The following ADAM10 variants were observed in gnomAD, a reference collection of about 807,000 sequenced individuals.
ADAM10 encodes the protein ADAM metallopeptidase domain 10.
A neutral mutation model predicts 90.1 loss-of-function variants in ADAM10; 17 were observed. The observed-to-expected ratio is 0.19, with a 90% CI of 0.13 to 0.28. The LOEUF (loss-of-function observed/expected upper bound fraction) is 0.28, where lower values mean the gene tolerates loss of function less well. Among genes scored for constraint, ADAM10 ranks in the 10% least tolerant of loss-of-function variants. The pLI is 1.00. For missense variants in ADAM10, 610 were observed against 914.3 expected (o/e 0.67, Z 4.29); for synonymous variants, 310 against 298.6 (o/e 1.04, Z -0.40).
chr15:58,605,211 T>C (rs1895235859), intron 14 of ADAM10, among the ~76,000 whole-genome samples: 1 of 152,210 alleles, frequency 6.6e-6, no homozygotes, highest in African/African-American at 2.4e-5. Context: ...ACTCAAGCCC[T>C]TCAGAACTTC....
chr15:58,699,326 G>A (rs1475560420), intron 2 of ADAM10, among the ~76,000 whole-genome samples: 1 of 152,122 alleles, frequency 6.6e-6, no homozygotes. Flanking sequence ...AAAAGATGAT[G>A]ATCACCATCA....
intron 13 of ADAM10, 135 bp from the exon 14 acceptor site, chr15:58,610,652 T>C (rs1203657941): frequency 1.1e-4 from 99 of 864,750 alleles, no homozygotes; most frequent in Non-Finnish European, 8.6e-5. Context: ...AGACCTTCTC[T>C]AGTTAGGCTG....
At chr15:58,709,866 G>A (rs1160618680) in intron 2 of ADAM10, among the ~76,000 whole-genome samples, 3 of 152,106 alleles carry the variant, frequency 2.0e-5, no homozygotes, top group Non-Finnish European at 1.5e-5. Context: ...ATACTTTCAC[G>A]CTCTTACTTC....
chr15:58,682,126 C>A lies in ADAM10; in HGVS notation c.325+70G>T, dbSNP rs1477507593. The A allele has an allele frequency of 1.9e-6, 3 of 1,590,398 alleles. No individual in the cohort carries two copies. The African/African-American group carries it at 4.1e-5, about 22-fold the overall frequency. On this transcript the variant is annotated intron_variant, in intron 3 of 15. Coordinates refer to ENST00000260408, the MANE Select transcript of ADAM10 (RefSeq NM_001110.4). Reference sequence around the variant, plus strand: ...ACCTTTTCTGAAATATTTGCTTACACTTCAAAATGAGTATCTTTGTGTAGA... The same window carrying A: ...ACCTTTTCTGAAATATTTGCTTACAATTCAAAATGAGTATCTTTGTGTAGA...
In ADAM10 at chr15:58,589,620, G is replaced by A. The variant is rs1295287668; in HGVS notation, c.*7927C>T. Reference sequence around the variant, plus strand: ...GAAAAATTGCAGCAGGTTGATAAGTGAATGGGAGCTGAAGTAGCCACTGAG... The same window carrying A: ...GAAAAATTGCAGCAGGTTGATAAGTAAATGGGAGCTGAAGTAGCCACTGAG... On this transcript the variant is annotated 3_prime_UTR_variant, in exon 16 of 16. Transcript: ENST00000260408. 6.6e-6 allele frequency: 1 copy of A among 152,254 alleles called. No individual in the cohort carries two copies. The highest frequency in any genetic ancestry group is 1.5e-5 in the Non-Finnish European group (1 of 68,076). 9.4% of individuals were successfully genotyped at this position (152,254 alleles called of 1,614,324 possible). A position where few individuals can be genotyped will look rare whatever the true frequency, so the allele number is the denominator to read the frequency against.
chr15:58,744,380 A>G (rs1899719113), intron 1 of ADAM10, among the ~76,000 whole-genome samples: 1 of 152,226 alleles, frequency 6.6e-6, no homozygotes. Flanking sequence ...TAGTTTTCCT[A>G]CATAAAACAT....
chr15:58,675,278 A>T (rs867095033), intron 4 of ADAM10, among the ~76,000 whole-genome samples: 2 of 152,232 alleles, frequency 1.3e-5, no homozygotes, highest in Admixed American at 1.3e-4. Flanking sequence ...CAAATAAATT[A>T]TTCTGCAGCT....
At chr15:58,746,809 T>A in intron 1 of ADAM10, among the ~76,000 whole-genome samples, 1 of 152,100 alleles carries the variant, frequency 6.6e-6, no homozygotes, top group Non-Finnish European at 1.5e-5. Flanking sequence ...TTAACTGGAC[T>A]CAAACTGAAG....
At chr15:58,748,092 C>T (rs1174692624) in intron 1 of ADAM10, 1 of 152,186 alleles carries the variant, frequency 6.6e-6, no homozygotes, top group Non-Finnish European at 1.5e-5. Flanking sequence ...CATCTATTAT[C>T]AGCTCTTAAT....
intron 4 of ADAM10, among the ~76,000 whole-genome samples, chr15:58,675,032 C>A (rs557297973): frequency 6.6e-6 from 1 of 152,194 alleles, no homozygotes; most frequent in Non-Finnish European, 1.5e-5. Context: ...CCCGTCTCTA[C>A]TAAAAATACA....
chr15:58,749,165 C>T (rs893510068), intron 1 of ADAM10: 1 of 401,056 alleles, frequency 2.5e-6, no homozygotes, highest in Non-Finnish European at 4.4e-6. Context: ...TGGGTTCCAC[C>T]GCTCTCACCA....
At chr15:58,601,275 C>A (rs1261706913) in intron 14 of ADAM10, among the ~76,000 whole-genome samples, 1 of 151,828 alleles carries the variant, frequency 6.6e-6, no homozygotes, top group Non-Finnish European at 1.5e-5. Context: ...TAGCCAGGCC[C>A]ACATGGTGAA....
chr15:58,682,876 C>T (rs1897477193), intron 2 of ADAM10, among the ~76,000 whole-genome samples: 2 of 151,988 alleles, frequency 1.3e-5, no homozygotes, highest in Admixed American at 1.3e-4. Flanking sequence ...TGCCGAAAGA[C>T]CAGGATAATG....
At chr15:58,626,413 T>C (rs138333974) in intron 10 of ADAM10, among the ~76,000 whole-genome samples, 151 of 152,312 alleles carry the variant, frequency 9.9e-4, no homozygotes, top group African/African-American at 3.4e-3. Flanking sequence ...TTAACCCCTC[T>C]TTCAGTGCTC....
intron 14 of ADAM10, among the ~76,000 whole-genome samples, chr15:58,607,901 C>T (rs1298384203): frequency 2.0e-5 from 3 of 151,988 alleles, no homozygotes; most frequent in Non-Finnish European, 1.5e-5. Context: ...AATGAATTAC[C>T]AATGCCCTCA....
At chr15:58,707,319 G>C (rs1210210783) in intron 2 of ADAM10, 1 of 151,938 alleles carries the variant, frequency 6.6e-6, no homozygotes, top group Non-Finnish European at 1.5e-5. Context: ...GGGAGGTGGA[G>C]GCTGCAGTGA....
Position 58,591,055 on chromosome 15 carries a change from G to C in ADAM10, c.*6492C>G, listed in dbSNP as rs1208238498. On this transcript the variant is annotated 3_prime_UTR_variant, in exon 16 of 16. Coordinates refer to ENST00000260408, the MANE Select transcript of ADAM10 (RefSeq NM_001110.4). ...ATTTACTCCAACGTGGGACACACAG[G>C]CTTAATGTGGATAAGCTGACCATAC... The C allele has an allele frequency of 6.6e-6, 1 of 152,182 alleles. No individual in the cohort carries two copies. The highest frequency in any genetic ancestry group is 1.5e-5 in the Non-Finnish European group (1 of 68,032). 9.4% of individuals were successfully genotyped at this position (152,182 alleles called of 1,614,324 possible). A position where few individuals can be genotyped will look rare whatever the true frequency, so the allele number is the denominator to read the frequency against.
chr15:58,720,414 T>A (rs570417442), intron 1 of ADAM10, among the ~76,000 whole-genome samples: 38 of 135,762 alleles, frequency 2.8e-4, no homozygotes, highest in African/African-American at 9.8e-4. Flanking sequence ...ATTTTTTTTT[T>A]TTTTGAGACA....
intron 1 of ADAM10, among the ~76,000 whole-genome samples, chr15:58,743,337 C>A (rs991721061): frequency 3.3e-5 from 5 of 152,174 alleles, no homozygotes; most frequent in Non-Finnish European, 7.4e-5. Context: ...TTGCCCACAA[C>A]CTTCTCCACA....
Sources: allele counts gnomAD v4.1 joint callset (sites outside exome capture counted in the v4.1 genomes callset), GRCh38; gene constraint gnomAD v4.1.1; transcripts MANE v1.5; gene names NCBI Gene and HGNC (gene_info 2026-07-23, HGNC 2026-07-21).